FADS6: variants seen among roughly 807,000 people sequenced by gnomAD.
FADS6 encodes the protein fatty acid desaturase domain family, member 6.
FADS6 carries 28 observed loss-of-function variants against 31.7 expected under a neutral mutation model. The ratio of observed to expected loss-of-function variants is 0.88; its 90% CI spans 0.66 to 1.21. The LOEUF (loss-of-function observed/expected upper bound fraction) is 1.21. Ranked by LOEUF, FADS6 falls within the 50% of genes most tolerant of loss-of-function variation. The pLI, the probability that FADS6 is intolerant of heterozygous loss-of-function variation, is 0.00. For synonymous variants in FADS6, 191 were observed against 213.1 expected, an observed-to-expected ratio of 0.90 and a Z score of 0.90; for missense variants, 494 against 504.2, an observed-to-expected ratio of 0.98 and a Z score of 0.19.
rs1204963548 is a variant in FADS6, at chr17:74,893,356, C to A, written c.240G>T (p.Pro80=). The change falls in exon 1 of 6, where the codon CCG becomes CCT. Residue 80 remains proline (P), a synonymous_variant. Transcript: ENST00000612771. The part of the protein sequence containing the change: ...AILALSLFAL[P]AGFLCLRWEN... Reference sequence around the variant, plus strand: ...CCGGGTCCCCGCGTTCCTCACCTGCCGGCAAGGCGAAGAGGCTGAGCGCGA... The same window carrying A: ...CCGGGTCCCCGCGTTCCTCACCTGCAGGCAAGGCGAAGAGGCTGAGCGCGA... 2.6e-6 allele frequency: 4 copies of A among 1,518,140 alleles called. No homozygotes were observed. Among genetic ancestry groups the A allele is most frequent in the South Asian group, 2.4e-5 (2 of 81,782 alleles). 94.0% of individuals were successfully genotyped at this position (1,518,140 alleles called of 1,614,324 possible).
At chr17:74,888,345 G>A (rs1414305905) in intron 2 of FADS6, among the ~76,000 whole-genome samples, 1 of 152,000 alleles carries the variant, frequency 6.6e-6, no homozygotes, top group Non-Finnish European at 1.5e-5. Context: ...AGTATATTTT[G>A]TACTGCAAAT....
chr17:74,880,175 C>G (rs1377453773), intron 4 of FADS6, among the ~76,000 whole-genome samples: 1 of 152,048 alleles, frequency 6.6e-6, no homozygotes, highest in Non-Finnish European at 1.5e-5. Flanking sequence ...GGAGACGTCC[C>G]TCTGGAAATG....
chr17:74,884,007 T>C (rs2038599380), intron 2 of FADS6, among the ~76,000 whole-genome samples: 1 of 152,156 alleles, frequency 6.6e-6, no homozygotes, highest in African/African-American at 2.4e-5. Flanking sequence ...CACATAAGCA[T>C]TGTCGGACCC....
intron 3 of FADS6, among the ~76,000 whole-genome samples, chr17:74,882,151 G>T (rs544650267): frequency 1.3e-5 from 2 of 152,224 alleles, no homozygotes; most frequent in East Asian, 3.9e-4. Flanking sequence ...GCCCAGGGTG[G>T]TCTCAAACTC....
intron 2 of FADS6, among the ~76,000 whole-genome samples, chr17:74,891,657 A>G (rs1427876817): frequency 1.3e-5 from 2 of 152,150 alleles, no homozygotes; most frequent in Non-Finnish European, 2.9e-5. Context: ...AGCAGGGGAT[A>G]GTGCTAGGTG....
chr17:74,881,307 C>T, intron 3 of FADS6, 52 bp from the exon 4 acceptor site: 1 of 1,505,106 alleles, frequency 6.6e-7, no homozygotes, highest in South Asian at 1.3e-5. Context: ...GGAGGGGCTC[C>T]CTGCTGGCTC....
intron 2 of FADS6, chr17:74,882,937 C>G (rs1283283219): frequency 8.0e-7 from 1 of 1,255,094 alleles, no homozygotes; most frequent in Non-Finnish European, 1.1e-6. Flanking sequence ...CGAGGCTCTG[C>G]AAAGCATTTG....
intron 2 of FADS6, chr17:74,882,921 G>A (rs937157448): frequency 2.9e-5 from 39 of 1,341,656 alleles, no homozygotes; most frequent in Admixed American, 9.9e-5. Context: ...AATCGTGTCC[G>A]TTTGACGAGG....
At chr17:74,881,806 C>T (rs1049546625) in intron 3 of FADS6, among the ~76,000 whole-genome samples, 2 of 152,054 alleles carry the variant, frequency 1.3e-5, no homozygotes, top group Non-Finnish European at 2.9e-5. Context: ...GCAATCTGAC[C>T]AAGGTCAAGC....
At chr17:74,875,197 CAGG>C (rs1415697929), downstream of FADS6, among the ~76,000 whole-genome samples, 6 of 152,160 alleles carry the variant, frequency 3.9e-5, no homozygotes, top group African/African-American at 1.4e-4. Context: ...TTAATCTCTC[CAGG>C]ACTTTTTTTC....
intron 2 of FADS6, among the ~76,000 whole-genome samples, chr17:74,887,986 A>G (rs1287755657): frequency 6.6e-6 from 1 of 152,022 alleles, no homozygotes; most frequent in African/African-American, 2.4e-5. Context: ...GCGCCCAGCC[A>G]GGGTTTTTTA....
In FADS6 at chr17:74,893,467, C is replaced by T. The variant is rs781465890; in HGVS notation, c.129G>A (p.Ala43=). Residue 43 remains alanine, a synonymous_variant, in exon 1 of 6, where the codon GCG becomes GCA. Coordinates refer to ENST00000612771, the MANE Select transcript of FADS6 (RefSeq NM_178128.6). ...CCAGCACCTCCAGCTCCCGCAGCAG[C>T]GCCTCGCCCCCACGGTGCGCGCTCC... The part of the protein sequence containing the change: ...PARSAHRGGE[A]LLRELEVLVQ... The T allele has an allele frequency of 6.3e-7, 1 of 1,594,808 alleles. No individual in the cohort carries two copies. The highest frequency in any genetic ancestry group is 8.5e-7 in the Non-Finnish European group (1 of 1,172,320).
At chr17:74,882,081 G>A (rs777503456) in intron 3 of FADS6, among the ~76,000 whole-genome samples, 11 of 151,818 alleles carry the variant, frequency 7.2e-5, no homozygotes, top group African/African-American at 1.2e-4. Flanking sequence ...GACTACAGGC[G>A]CCCACCACCA....
intron 2 of FADS6, among the ~76,000 whole-genome samples, chr17:74,889,090 A>G (rs906662644): frequency 1.3e-5 from 2 of 152,184 alleles, no homozygotes; most frequent in Admixed American, 6.5e-5. Context: ...GAGAGAAACA[A>G]CAGCCTGGAG....
intron 2 of FADS6, among the ~76,000 whole-genome samples, chr17:74,890,696 C>T (rs769661312): frequency 7.9e-5 from 12 of 152,056 alleles, no homozygotes; most frequent in Non-Finnish European, 1.6e-4. Flanking sequence ...ACTGGGCTTA[C>T]GGGGACAAGA....
intron 5 of FADS6, chr17:74,878,928 C>T (rs890448056): frequency 5.1e-6 from 1 of 197,866 alleles, no homozygotes; most frequent in South Asian, 9.9e-5. Flanking sequence ...ATCTAAAACC[C>T]ATGCTGCTGT....
intron 2 of FADS6, among the ~76,000 whole-genome samples, chr17:74,883,306 G>A (rs2038592990): frequency 1.3e-5 from 2 of 152,232 alleles, no homozygotes; most frequent in Non-Finnish European, 2.9e-5. Context: ...GCAGCAGCAC[G>A]TGCGCTCTGA....
Position 74,893,388 on chromosome 17 carries a change from C to T in FADS6, c.208G>A (p.Ala70Thr), listed in dbSNP as rs2038713715. 3 of 1,536,300 alleles carry T rather than the reference C, an allele frequency of 2.0e-6. No individual in the cohort carries two copies. The highest frequency in any genetic ancestry group is 2.6e-6 in the Non-Finnish European group (3 of 1,143,406). The change falls in exon 1 of 6, where the codon GCC (alanine) becomes ACC (threonine). Residue 70 changes from alanine to threonine, a missense_variant. By Grantham distance (58) the Ala-to-Thr change is moderately conservative. Around this residue, in one of 2 missense-constraint regions of FADS6, gnomAD observed 454 missense variants for 438.5 expected, o/e 1.04. Coordinates refer to ENST00000612771, the MANE Select transcript of FADS6 (RefSeq NM_178128.6). ...GCGAAGAGGCTGAGCGCGAGGATGG[C>T]GCAGTCCACGCCGTGGCGCTCCCAC... ...SWWERHGVDC[A>T]ILALSLFALP...
intron 2 of FADS6, among the ~76,000 whole-genome samples, chr17:74,888,703 C>G (rs2038657531): frequency 1.3e-5 from 2 of 152,218 alleles, no homozygotes; most frequent in South Asian, 4.1e-4. Flanking sequence ...AGCGGAGACA[C>G]CAGAGCTTCG....
Sources: allele counts gnomAD v4.1 joint callset (sites outside exome capture counted in the v4.1 genomes callset), GRCh38; gene constraint gnomAD v4.1.1; regional missense constraint gnomAD v4.1.1; transcripts MANE v1.5; gene names NCBI Gene and HGNC (gene_info 2026-07-23, HGNC 2026-07-21).